Variants in IQCM observed in about 807,000 individuals in gnomAD.
The protein encoded by IQCM is IQ domain-containing protein M.
Under a neutral mutation model 57.6 loss-of-function variants are expected in IQCM, and 45 were observed. The ratio of observed to expected loss-of-function variants is 0.78; its 90% CI spans 0.62 to 1.00. IQCM has a LOEUF of 1.00. IQCM is among the 50% of genes least tolerant of loss of function. The pLI, the probability that IQCM is intolerant of heterozygous loss-of-function variation, is 0.00. For synonymous variants in IQCM, 148 were observed against 158.9 expected, an observed-to-expected ratio of 0.93 and a Z score of 0.51; for missense variants, 468 against 511.6, an observed-to-expected ratio of 0.91 and a Z score of 0.82.
chr4:149,703,731 A>G (rs1239509773), intron 5 of IQCM, among the ~76,000 whole-genome samples: 1 of 151,982 alleles, frequency 6.6e-6, no homozygotes, highest in Non-Finnish European at 1.5e-5. Flanking sequence ...CAATATGTAG[A>G]AAGCAGTAAT....
intron 7 of IQCM, among the ~76,000 whole-genome samples, chr4:149,653,208 T>C (rs1439386265): frequency 6.6e-6 from 1 of 152,102 alleles, no homozygotes; most frequent in Non-Finnish European, 1.5e-5. Flanking sequence ...GTCAAGAGTC[T>C]TCCCTGGGAG....
intron 7 of IQCM, among the ~76,000 whole-genome samples, chr4:149,666,739 G>A (rs1157003654): frequency 6.6e-6 from 1 of 152,054 alleles, no homozygotes; most frequent in East Asian, 1.9e-4. Context: ...GAGCTTGGTG[G>A]GGGGAGGGGT....
intron 12 of IQCM, among the ~76,000 whole-genome samples, chr4:149,455,581 C>T (rs554423502): frequency 5.3e-5 from 8 of 152,072 alleles, no homozygotes; most frequent in Admixed American, 3.9e-4. Context: ...AAACTGAGCA[C>T]CTACTATGTG....
rs72957432 is a variant in IQCM, at chr4:149,609,260, C to T, written c.681+11869G>A. Reference sequence around the variant, plus strand: ...AAGCAGTAATTTAAAAATCTCCCATCAGAGAAAAGTCCAGGACCTGATGGC... The same window carrying T: ...AAGCAGTAATTTAAAAATCTCCCATTAGAGAAAAGTCCAGGACCTGATGGC... On this transcript the variant is annotated intron_variant, in intron 8 of 13. Transcript: ENST00000636793. Among the ~76,000 whole-genome samples, 376 of 151,848 alleles carry T rather than the reference C, an allele frequency of 2.5e-3. 3 individuals are homozygous for T. The highest frequency in any genetic ancestry group is 8.5e-3 in the African/African-American group (353 of 41,526).
At chr4:149,520,803 A>G (rs1745560413) in intron 12 of IQCM, among the ~76,000 whole-genome samples, 1 of 152,040 alleles carries the variant, frequency 6.6e-6, no homozygotes, top group Non-Finnish European at 1.5e-5. Flanking sequence ...CAGAAGATAT[A>G]CCACATACCT....
At chr4:149,773,053 A>C (rs1368728949) in intron 2 of IQCM, among the ~76,000 whole-genome samples, 1 of 152,210 alleles carries the variant, frequency 6.6e-6, no homozygotes, top group Non-Finnish European at 1.5e-5. Flanking sequence ...AGAGCTAACC[A>C]CTTAAGAATT....
intron 12 of IQCM, among the ~76,000 whole-genome samples, chr4:149,508,212 C>T (rs945081871): frequency 2.0e-5 from 3 of 152,006 alleles, no homozygotes; most frequent in Admixed American, 6.6e-5. Flanking sequence ...AATGTGGGGT[C>T]AGAGCCCCCA....
intron 12 of IQCM, among the ~76,000 whole-genome samples, chr4:149,544,709 G>C (rs184234108): frequency 6.6e-6 from 1 of 152,170 alleles, no homozygotes; most frequent in African/African-American, 2.4e-5. Context: ...ATAGACCAAT[G>C]GAATAGAATA....
chr4:149,593,739 G>C (rs1579621640), intron 8 of IQCM, among the ~76,000 whole-genome samples: 1 of 152,252 alleles, frequency 6.6e-6, no homozygotes. Flanking sequence ...CTTTGGTTCT[G>C]TTTATAGGAT....
chr4:149,467,016 T>C lies in IQCM; in HGVS notation c.1229-33459A>G, dbSNP rs556232323. ...TAAAAGCACTCCATTAATACCATAATGTTGGAGGTTAAGTTTGCATATATG... is the reference window on the plus strand; with the variant it reads ...TAAAAGCACTCCATTAATACCATAACGTTGGAGGTTAAGTTTGCATATATG... On this transcript the variant is annotated intron_variant, in intron 12 of 13. Coordinates refer to ENST00000636793, the MANE Select transcript of IQCM (RefSeq NM_001363507.2). Among the ~76,000 whole-genome samples the C allele has an allele frequency of 4.9e-4, 75 of 152,324 alleles. 1 individual carries two copies. The South Asian group carries it at 0.015, about 31-fold the overall frequency.
intron 7 of IQCM, among the ~76,000 whole-genome samples, chr4:149,667,197 A>C (rs1459817116): frequency 6.6e-6 from 1 of 152,160 alleles, no homozygotes; most frequent in Non-Finnish European, 1.5e-5. Context: ...GGCATCTGGC[A>C]TGTGCCCCTC....
At chr4:149,758,217 G>A (rs1225864137) in intron 2 of IQCM, among the ~76,000 whole-genome samples, 3 of 152,004 alleles carry the variant, frequency 2.0e-5, no homozygotes, top group African/African-American at 4.8e-5. Flanking sequence ...GGATAAATAG[G>A]GATCTATGGA....
intron 12 of IQCM, among the ~76,000 whole-genome samples, chr4:149,532,244 G>A (rs1049742742): frequency 6.6e-6 from 1 of 152,090 alleles, no homozygotes; most frequent in African/African-American, 2.4e-5. Flanking sequence ...TATAAGAGCA[G>A]CAATATGTCT....
intron 12 of IQCM, among the ~76,000 whole-genome samples, chr4:149,460,291 A>C (rs1183835078): frequency 6.6e-6 from 1 of 152,084 alleles, no homozygotes; most frequent in Non-Finnish European, 1.5e-5. Context: ...GACCTTTTAG[A>C]GTTCTCTGTA....
chr4:149,474,012 T>C (rs968561841), intron 12 of IQCM, among the ~76,000 whole-genome samples: 1 of 152,028 alleles, frequency 6.6e-6, no homozygotes, highest in Non-Finnish European at 1.5e-5. Flanking sequence ...TATTAGGAGA[T>C]ATACTTAATG....
chr4:149,729,257 A>C (rs1255889929), intron 5 of IQCM, among the ~76,000 whole-genome samples: 1 of 152,086 alleles, frequency 6.6e-6, no homozygotes, highest in African/African-American at 2.4e-5. Flanking sequence ...ACATCTTGCT[A>C]TTACCCTCCT....
chr4:149,729,479 T>G (rs541908743), intron 5 of IQCM, among the ~76,000 whole-genome samples: 134 of 151,570 alleles, frequency 8.8e-4, no homozygotes, highest in Middle Eastern at 3.4e-3. Flanking sequence ...TTTTGTTGTT[T>G]TTTTTACCTT....
intron 13 of IQCM, among the ~76,000 whole-genome samples, chr4:149,367,955 C>T (rs1729957472): frequency 6.6e-6 from 1 of 151,948 alleles, no homozygotes; most frequent in Non-Finnish European, 1.5e-5. Flanking sequence ...AATGGTTCCT[C>T]AATATCTTTT....
chr4:149,518,114 A>G (rs917404583), intron 12 of IQCM, among the ~76,000 whole-genome samples: 1 of 152,182 alleles, frequency 6.6e-6, no homozygotes, highest in Non-Finnish European at 1.5e-5. Flanking sequence ...GGCAAGCGAC[A>G]TGGCCAAGCC....
Sources: gnomAD v4.1 joint callset for allele counts (sites outside exome capture counted in the v4.1 genomes callset) on GRCh38, gnomAD v4.1.1 for gene constraint, MANE v1.5 for transcripts, NCBI Gene and HGNC (gene_info 2026-07-23, HGNC 2026-07-21) for gene names.